RABGEF1: variants seen among roughly 807,000 people sequenced by gnomAD.
RABGEF1 encodes rab5 GDP/GTP exchange factor.
In RABGEF1, 26 loss-of-function variants were observed where a neutral mutation model predicts 57.3. That is an observed-to-expected ratio of 0.45 (90% CI 0.33 to 0.63). The LOEUF (loss-of-function observed/expected upper bound fraction) is 0.63. Among genes scored for constraint, RABGEF1 ranks in the 20% least tolerant of loss-of-function variants. The pLI is 0.02. For missense variants in RABGEF1, 464 were observed against 607.6 expected, an observed-to-expected ratio of 0.76 and a Z score of 2.48; for synonymous variants, 185 against 210.7, an observed-to-expected ratio of 0.88 and a Z score of 1.06.
intron 4 of RABGEF1, among the ~76,000 whole-genome samples, chr7:66,786,631 T>C (rs1811250726): frequency 6.6e-6 from 1 of 152,214 alleles, no homozygotes; most frequent in African/African-American, 2.4e-5. Context: ...CTTGAATTCC[T>C]GACCTCAGGT....
At chr7:66,725,275 G>T (rs1043544868) in intron 2 of RABGEF1, among the ~76,000 whole-genome samples, 4 of 152,002 alleles carry the variant, frequency 2.6e-5, no homozygotes, top group Non-Finnish European at 4.4e-5. Flanking sequence ...TCAGAGAATT[G>T]TACATCCATC....
At chr7:66,753,701 G>GTTTTTTTTTTTTTTTTTT (rs1224800315) in intron 1 of RABGEF1, among the ~76,000 whole-genome samples, 6 of 78,764 alleles carry the variant, frequency 7.6e-5, no homozygotes, top group Middle Eastern at 0.017. Flanking sequence ...TTTTGCCATC[G>GTTTTTTTTTTTTTTTTTT]TTTTTTTTTT....
At chr7:66,683,997 G>T (rs570588758) in intron 1 of RABGEF1, among the ~76,000 whole-genome samples, 58 of 152,272 alleles carry the variant, frequency 3.8e-4, no homozygotes, top group Middle Eastern at 3.4e-3. Flanking sequence ...CGCCTCAAGT[G>T]TCCCAATGTG....
intron 8 of RABGEF1, among the ~76,000 whole-genome samples, chr7:66,807,155 C>A (rs531399308): frequency 3.3e-5 from 5 of 152,228 alleles, no homozygotes; most frequent in Admixed American, 2.0e-4. Flanking sequence ...GGCTTGCACA[C>A]ACTTAGCAGC....
At chr7:66,798,962 A>G (rs945770405) in intron 6 of RABGEF1, among the ~76,000 whole-genome samples, 18 of 152,186 alleles carry the variant, frequency 1.2e-4, no homozygotes, top group African/African-American at 3.9e-4. Context: ...CAAAAAAGAA[A>G]GAAGTTGAGG....
chr7:66,768,266 A>G (rs1207041689), intron 1 of RABGEF1, among the ~76,000 whole-genome samples: 1 of 152,186 alleles, frequency 6.6e-6, no homozygotes, highest in Non-Finnish European at 1.5e-5. Context: ...TTCAATATAC[A>G]AACATCCTTG....
chr7:66,702,381 GTGTGTGTGTC>G (rs985497767), intron 1 of RABGEF1, among the ~76,000 whole-genome samples: 6 of 138,284 alleles, frequency 4.3e-5, no homozygotes, highest in Non-Finnish European at 1.7e-5. Flanking sequence ...GTGTGTGTGT[GTGTGTGTGTC>G]AGCTCCTTTA....
chr7:66,685,593 C>T (rs960876396), intron 1 of RABGEF1, among the ~76,000 whole-genome samples: 11 of 152,224 alleles, frequency 7.2e-5, no homozygotes, highest in Non-Finnish European at 1.2e-4. Context: ...AGGAATTCTG[C>T]ACTCATTTCT....
At chr7:66,687,097 G>A (rs1308125851) in intron 1 of RABGEF1, among the ~76,000 whole-genome samples, 1 of 142,288 alleles carries the variant, frequency 7.0e-6, no homozygotes, top group Non-Finnish European at 1.5e-5. Context: ...CTGAGATTAC[G>A]AGCCACCACG....
chr7:66,712,458 C>T (rs1376143769), intron 2 of RABGEF1, among the ~76,000 whole-genome samples: 1 of 152,142 alleles, frequency 6.6e-6, no homozygotes, highest in African/African-American at 2.4e-5. Context: ...AAATATTTTT[C>T]TTTCTGCAGA....
the RABGEF1 span, among the ~76,000 whole-genome samples, chr7:66,663,046 C>T: frequency 1.1e-3 from 172 of 152,350 alleles, 2 homozygotes; most frequent in African/African-American, 3.8e-3. Context: ...ACACCTGGCC[C>T]GCCCAGGGCG....
intron 2 of RABGEF1, among the ~76,000 whole-genome samples, chr7:66,734,004 CAAAAACA>C (rs1797641532): frequency 6.6e-6 from 1 of 152,054 alleles, no homozygotes; most frequent in Non-Finnish European, 1.5e-5. Flanking sequence ...GACTCCGTCT[CAAAAACA>C]AAAAACAAAA....
At chr7:66,693,260 TCA>T (rs1026380943) in intron 1 of RABGEF1, among the ~76,000 whole-genome samples, 6 of 152,052 alleles carry the variant, frequency 3.9e-5, no homozygotes, top group African/African-American at 7.2e-5. Context: ...ATTGGAGACT[TCA>T]CAGTCATGTA....
intron 4 of RABGEF1, among the ~76,000 whole-genome samples, chr7:66,784,981 A>G (rs1420443918): frequency 1.3e-5 from 2 of 152,078 alleles, no homozygotes; most frequent in African/African-American, 4.8e-5. Flanking sequence ...TTTTTTCTTG[A>G]GCCCACATGA....
At chr7:66,705,439 AAGAAAGAGAGAGAG>A (rs1198183517) in intron 1 of RABGEF1, among the ~76,000 whole-genome samples, 6 of 54,976 alleles carry the variant, frequency 1.1e-4, no homozygotes, top group African/African-American at 3.4e-4. Context: ...TCCATCTCGA[AAGAAAGAGAGAGAG>A]AGAGAGAGAG....
In RABGEF1 at chr7:66,753,921, GT is replaced by G. The variant is rs1247899889; in HGVS notation, c.-18+13131del. On this transcript the variant is annotated intron_variant, in intron 1 of 8. Transcript: ENST00000284957. ...GGGGTTTTACTGTGTTGGCCAGGCT[GT>G]TCTTGAACTCCTGACCTTGTGATCC... Among the ~76,000 whole-genome samples, 411 of 142,824 alleles carry G rather than the reference GT, an allele frequency of 2.9e-3. 1 individual carries two copies. Among genetic ancestry groups the G allele is most frequent in the Middle Eastern group, 0.011 (3 of 266 alleles). The allele number at this position is 142,824 out of a possible 152,430, so 93.7% of individuals were successfully genotyped here.
chr7:66,765,812 A>T (rs1805560383), intron 1 of RABGEF1, among the ~76,000 whole-genome samples: 1 of 152,188 alleles, frequency 6.6e-6, no homozygotes, highest in Admixed American at 6.5e-5. Flanking sequence ...CATTCACCTT[A>T]TACAAATATA....
At chr7:66,656,291 A>T in the RABGEF1 span, among the ~76,000 whole-genome samples, 2 of 151,940 alleles carry the variant, frequency 1.3e-5, no homozygotes. Context: ...TGATTTTTAA[A>T]TATTTTGTAA....
At chr7:66,705,443 AAGAGAGAGAGAGAGAGAGAGAG>A (rs57856916) in intron 1 of RABGEF1, among the ~76,000 whole-genome samples, 5 of 66,350 alleles carry the variant, frequency 7.5e-5, no homozygotes, top group Admixed American at 5.6e-4. Context: ...TCTCGAAAGA[AAGAGAGAGAGAGAGAGAGAGAG>A]AGAGAGAGAG....
Sources: gnomAD v4.1 joint callset for allele counts (sites outside exome capture counted in the v4.1 genomes callset) on GRCh38, gnomAD v4.1.1 for gene constraint, MANE v1.5 for transcripts, NCBI Gene and HGNC (gene_info 2026-07-23, HGNC 2026-07-21) for gene names.